FRMD4B: variants seen among roughly 807,000 people sequenced by gnomAD.
The protein encoded by FRMD4B is FERM domain-containing protein 4B.
In FRMD4B, 74 loss-of-function variants were observed where a neutral mutation model predicts 141.5. That is an observed-to-expected ratio of 0.52 (90% CI 0.43 to 0.63). The LOEUF (loss-of-function observed/expected upper bound fraction) is 0.63, where lower values mean the gene tolerates loss of function less well. Among genes scored for constraint, FRMD4B ranks in the 30% least tolerant of loss-of-function variants. FRMD4B has a pLI of 0.00. For missense variants in FRMD4B, 1,366 were observed against 1,253.4 expected (o/e 1.09, Z -1.36); for synonymous variants, 506 against 467.9 (o/e 1.08, Z -1.05).
intron 5 of FRMD4B, among the ~76,000 whole-genome samples, chr3:69,259,731 T>C (rs1270495980): frequency 6.6e-6 from 1 of 152,238 alleles, no homozygotes; most frequent in East Asian, 1.9e-4. Context: ...AAATTGATCT[T>C]GTCAGGTTTA....
chr3:69,300,009 A>G (rs557259858), intron 4 of FRMD4B, among the ~76,000 whole-genome samples: 96 of 152,284 alleles, frequency 6.3e-4, no homozygotes, highest in Non-Finnish European at 1.3e-3. Context: ...CTTCAGTCAA[A>G]CAGGCAACCT....
chr3:69,210,550 AG>A (rs2093065527), intron 11 of FRMD4B, among the ~76,000 whole-genome samples: 1 of 152,120 alleles, frequency 6.6e-6, no homozygotes, highest in Non-Finnish European at 1.5e-5. Context: ...ACACAAAGGG[AG>A]GATTAAAAAG....
chr3:69,424,146 G>A (rs1426414182), intron 2 of FRMD4B, among the ~76,000 whole-genome samples: 1 of 152,178 alleles, frequency 6.6e-6, no homozygotes, highest in Non-Finnish European at 1.5e-5. Context: ...TTAAAACAAG[G>A]TTATGTACTG....
intron 11 of FRMD4B, chr3:69,200,517 G>A (rs2092955416): frequency 1.9e-6 from 2 of 1,039,482 alleles, no homozygotes; most frequent in East Asian, 1.7e-4. Flanking sequence ...TCTGAACTGA[G>A]TTTCATAAGA....
intron 11 of FRMD4B, among the ~76,000 whole-genome samples, chr3:69,214,822 A>T (rs892206135): frequency 1.2e-4 from 19 of 152,114 alleles, no homozygotes; most frequent in African/African-American, 3.6e-4. Flanking sequence ...TGATCAGGCC[A>T]CTGCACTCCA....
chr3:69,455,759 T>C (rs1000643765), intron 1 of FRMD4B, among the ~76,000 whole-genome samples: 1 of 152,220 alleles, frequency 6.6e-6, no homozygotes, highest in African/African-American at 2.4e-5. Context: ...TATGCAACAC[T>C]TTGTAATTCC....
chr3:69,536,690 G>C, intron 1 of FRMD4B: 3 of 711,536 alleles, frequency 4.2e-6, no homozygotes, highest in Non-Finnish European at 5.2e-6. Context: ...TCCCAGGAGG[G>C]GAGGCATCAG....
chr3:69,361,081 G>T (rs1703458761), intron 1 of FRMD4B, among the ~76,000 whole-genome samples: 1 of 151,966 alleles, frequency 6.6e-6, no homozygotes, highest in Non-Finnish European at 1.5e-5. Flanking sequence ...TTTCAAGGGT[G>T]GTCAAAGTGC....
chr3:69,443,353 C>T (rs1265724361), intron 1 of FRMD4B, among the ~76,000 whole-genome samples: 1 of 152,124 alleles, frequency 6.6e-6, no homozygotes, highest in Non-Finnish European at 1.5e-5. Context: ...CTTTTTGGAC[C>T]CCTCTGGACT....
intron 1 of FRMD4B, among the ~76,000 whole-genome samples, chr3:69,360,437 A>G (rs1409395303): frequency 6.6e-6 from 1 of 152,200 alleles, no homozygotes; most frequent in African/African-American, 2.4e-5. Flanking sequence ...TCTAGTCTTC[A>G]AATATCCAAT....
chr3:69,334,606 C>T (rs1266433146), intron 1 of FRMD4B: 3 of 152,052 alleles, frequency 2.0e-5, no homozygotes, highest in Non-Finnish European at 4.4e-5. Context: ...ATCTATAGAC[C>T]CAGTTAACTG....
At chr3:69,450,474 T>G (rs1705477173) in intron 1 of FRMD4B, among the ~76,000 whole-genome samples, 1 of 151,162 alleles carries the variant, frequency 6.6e-6, no homozygotes, top group African/African-American at 2.4e-5. Flanking sequence ...CAAAATAGGC[T>G]GGGGGTGGTG....
chr3:69,469,655 C>T (rs1705855293), intron 1 of FRMD4B, among the ~76,000 whole-genome samples: 1 of 152,178 alleles, frequency 6.6e-6, no homozygotes, highest in South Asian at 2.1e-4. Context: ...CAAGCCCCTA[C>T]TCCACAAGAT....
chr3:69,221,268 TA>T (rs969066548), intron 9 of FRMD4B, among the ~76,000 whole-genome samples: 3 of 152,130 alleles, frequency 2.0e-5, no homozygotes, highest in Admixed American at 2.0e-4. Context: ...GGCCTGTTCT[TA>T]ATAATGGGTG....
In FRMD4B at chr3:69,480,562, C is replaced by A. The variant is rs7646065; in HGVS notation, c.-128-47801G>T. Among the ~76,000 whole-genome samples, 1,086 of 152,244 alleles carry A rather than the reference C, an allele frequency of 7.1e-3. 14 individuals carry two copies. The highest frequency in any genetic ancestry group is 0.025 in the African/African-American group (1,022 of 41,522). ...TGAAAGCTGCTGTCTGATCGTTCCT[C>A]TGGAAGTTTTGTCTCAGAGGAATAC... On this transcript the variant is annotated intron_variant, in intron 1 of 5. Transcript: ENST00000459638.
intron 1 of FRMD4B, among the ~76,000 whole-genome samples, chr3:69,323,616 A>G (rs1170182149): frequency 1.5e-3 from 38 of 25,994 alleles, no homozygotes; most frequent in African/African-American, 7.3e-3. Context: ...GTGTATATAT[A>G]TATATATATA....
At chr3:69,356,624 C>CAT (rs1328914678) in intron 1 of FRMD4B, among the ~76,000 whole-genome samples, 1 of 147,414 alleles carries the variant, frequency 6.8e-6, no homozygotes, top group Non-Finnish European at 1.5e-5. Flanking sequence ...CGTATATATA[C>CAT]ATATATATAA....
chr3:69,217,101 A>T (rs1417153341), intron 10 of FRMD4B, among the ~76,000 whole-genome samples: 1 of 152,234 alleles, frequency 6.6e-6, no homozygotes, highest in African/African-American at 2.4e-5. Context: ...TTATAAAACA[A>T]TTAACAATGA....
At chr3:69,385,728 A>T in intron 1 of FRMD4B, 100 bp downstream of exon 1, 2 of 1,056,484 alleles carry the variant, frequency 1.9e-6, no homozygotes, top group Non-Finnish European at 2.6e-6. Context: ...CTAGGAGTTT[A>T]AGAAGAGCTG....
Sources: allele counts gnomAD v4.1 joint callset (sites outside exome capture counted in the v4.1 genomes callset), GRCh38; gene constraint gnomAD v4.1.1; transcripts MANE v1.5; gene names NCBI Gene and HGNC (gene_info 2026-07-23, HGNC 2026-07-21).